USP3: variants seen among roughly 807,000 people sequenced by gnomAD.
USP3 encodes ubiquitin specific peptidase 3, also known as ubiquitin carboxyl-terminal hydrolase 3.
Under a neutral mutation model 72.3 loss-of-function variants are expected in USP3, and 20 were observed. That is an observed-to-expected ratio of 0.28 (90% CI 0.19 to 0.40). The LOEUF (loss-of-function observed/expected upper bound fraction) is 0.40, where lower values mean the gene tolerates loss of function less well. Ranked by LOEUF, USP3 falls within the 10% of genes least tolerant of loss-of-function variation. The pLI is 1.00. For synonymous variants in USP3, 222 were observed against 225.3 expected (o/e 0.99, Z 0.13); for missense variants, 479 against 633.9 (o/e 0.76, Z 2.62).
chr15:63,539,494 A>G (rs2066210106), intron 3 of USP3, among the ~76,000 whole-genome samples: 1 of 152,248 alleles, frequency 6.6e-6, no homozygotes, highest in African/African-American at 2.4e-5. Flanking sequence ...AAGGCCCTTT[A>G]AAAATGTAGA....
rs886298271 is a variant in USP3 at position 63,592,728 on chromosome 15, G to A, written c.*1902G>A. The A allele has an allele frequency of 6.6e-6, 1 of 151,100 alleles. No homozygotes were observed. The highest frequency in any genetic ancestry group is 6.6e-5 in the Admixed American group (1 of 15,168). 9.4% of individuals were successfully genotyped at this position (151,100 alleles called of 1,614,324 possible). A position where few individuals can be genotyped will look rare whatever the true frequency, so the allele number is the denominator to read the frequency against. On this transcript the variant is annotated 3_prime_UTR_variant, in exon 15 of 15. Coordinates refer to ENST00000380324, the MANE Select transcript of USP3 (RefSeq NM_006537.4). ...TAGCATTACAGGCATGAGCCACCAC[G>A]CCCAGCCTGTTCTATTAAAAACATC...
chr15:63,575,999 T>G (rs993076968), intron 11 of USP3, among the ~76,000 whole-genome samples: 2 of 151,128 alleles, frequency 1.3e-5, no homozygotes, highest in Non-Finnish European at 3.0e-5. Flanking sequence ...TTTTTTTTTT[T>G]TTTTTGAGAC....
At chr15:63,517,495 T>C (rs1011949236) in intron 1 of USP3, among the ~76,000 whole-genome samples, 27 of 152,330 alleles carry the variant, frequency 1.8e-4, no homozygotes, top group African/African-American at 6.0e-4. Context: ...TCTTTGTCTT[T>C]TCATATAACA....
chr15:63,566,908 T>C (rs1174296557), intron 8 of USP3, among the ~76,000 whole-genome samples: 1 of 152,228 alleles, frequency 6.6e-6, no homozygotes, highest in African/African-American at 2.4e-5. Context: ...ACTTTAGAAT[T>C]CTTTTTTTAA....
Position 63,591,115 on chromosome 15 carries a change from G to A in USP3, c.*289G>A. 3.6e-6 allele frequency: 1 copy of A among 274,554 alleles called. No homozygotes were observed. The highest frequency in any genetic ancestry group is 2.2e-5 in the African/African-American group (1 of 44,856). 17.0% of individuals were successfully genotyped at this position (274,554 alleles called of 1,614,324 possible). A position where few individuals can be genotyped will look rare whatever the true frequency, so the allele number is the denominator to read the frequency against. ...TTTGACTTTTTTATTTTATGTTAATGTTTTCAGTTCTCACTTTGAGGCACA... is the reference window on the plus strand; with the variant it reads ...TTTGACTTTTTTATTTTATGTTAATATTTTCAGTTCTCACTTTGAGGCACA... On this transcript the variant is annotated 3_prime_UTR_variant, in exon 15 of 15. Transcript: ENST00000380324.
In USP3 at chr15:63,588,749, A is replaced by G. The variant is rs747788479; in HGVS notation, c.1263A>G (p.Arg421=). Residue 421 remains arginine, a synonymous_variant, in exon 13 of 15, where the codon AGA becomes AGG. Coordinates refer to ENST00000380324, the MANE Select transcript of USP3 (RefSeq NM_006537.4). This position sits in a 1 kb window ranked among gnomAD's most constrained non-coding sequence, Gnocchi z 4.6. The part of the protein sequence containing the change: ...LKRFHWTAYL[R]NKVDTYVEFP... Reference sequence around the variant, plus strand: ...GATTTCATTGGACAGCATATTTAAGAAATAAAGTTGATACATACGTAGAAT... The same window carrying G: ...GATTTCATTGGACAGCATATTTAAGGAATAAAGTTGATACATACGTAGAAT... 3.2e-5 allele frequency: 52 copies of G among 1,614,190 alleles called. No individual in the cohort carries two copies. Among genetic ancestry groups the G allele is most frequent in the Non-Finnish European group, 4.4e-5 (52 of 1,179,996 alleles).
intron 7 of USP3, among the ~76,000 whole-genome samples, chr15:63,560,619 G>C (rs1287739109): frequency 1.3e-5 from 2 of 151,640 alleles, no homozygotes; most frequent in African/African-American, 4.9e-5. Context: ...AACCTGTCTT[G>C]GATACTGAAA....
Position 63,544,631 on chromosome 15 carries a change from G to T in USP3, c.284+7475G>T. On this transcript the variant is annotated intron_variant, in intron 3 of 14. Transcript: ENST00000380324. The surrounding 1 kb of genome is among the most constrained non-coding windows in gnomAD (Gnocchi z 4.2). ...AGCCATGCTGTGTGTTTTCATTTTT[G>T]GAGAATGGGGGAAGAATGTAAAGAT... is the stretch of plus-strand genomic sequence containing the variant. 1 of 694,180 alleles carries T rather than the reference G, an allele frequency of 1.4e-6. No individual in the cohort carries two copies. The highest frequency in any genetic ancestry group is 2.7e-5 in the East Asian group (1 of 37,032). 43.0% of individuals were successfully genotyped at this position (694,180 alleles called of 1,614,324 possible). A position where few individuals can be genotyped will look rare whatever the true frequency, so the allele number is the denominator to read the frequency against.
At chr15:63,557,246 CTTTTA>C (rs1047862411) in intron 5 of USP3, among the ~76,000 whole-genome samples, 12 of 150,670 alleles carry the variant, frequency 8.0e-5, no homozygotes, top group Admixed American at 4.0e-4. Context: ...AATTTTTGTA[CTTTTA>C]TTTTGTTTTT....
In USP3 at chr15:63,531,867, T is replaced by A. The variant is rs77811966; in HGVS notation, c.92-780T>A. Among the ~76,000 whole-genome samples, 256 of 152,294 alleles carry A rather than the reference T, an allele frequency of 1.7e-3. 3 individuals carry two copies. In the East Asian group the frequency reaches 0.022, roughly 13 times the overall value. ...GAAGCTACTTTGCGCAAAATATACA[T>A]GTTCTTTGTACTTCCTTCCCCACGC... On this transcript the variant is annotated intron_variant, in intron 1 of 14. Transcript: ENST00000380324.
At chr15:63,556,842 CT>C in intron 5 of USP3, 94 bp downstream of exon 5, 1 of 894,644 alleles carries the variant, frequency 1.1e-6, no homozygotes, top group Non-Finnish European at 1.7e-6. Flanking sequence ...CTGTTACAGA[CT>C]TTTATAAATG....
In USP3 at chr15:63,512,356, T is replaced by TTCC. The variant is rs1168182434; in HGVS notation, c.91+7528_91+7529insCTC. Among the ~76,000 whole-genome samples the TTCC allele has an allele frequency of 6.9e-3, 299 of 43,360 alleles. 2 individuals carry two copies. Among genetic ancestry groups the TTCC allele is most frequent in the African/African-American group, 0.02 (274 of 13,842 alleles). The allele number at this position is 43,360 out of a possible 152,430, so 28.4% of individuals were successfully genotyped here. ...CTTCCTCCTCTTCCTCCTCTTCCTC[T>TTCC]TCTTCTTCTTTCTTCTTTCTTCTTT... On this transcript the variant is annotated intron_variant, in intron 1 of 14. Transcript: ENST00000380324.
intron 11 of USP3, among the ~76,000 whole-genome samples, chr15:63,580,652 G>T (rs56888677): frequency 2.8e-4 from 3 of 10,646 alleles, no homozygotes; most frequent in Non-Finnish European, 1.1e-3. Context: ...ATATATATAT[G>T]AATATATAAT....
chr15:63,507,369 G>C (rs138939476), intron 1 of USP3, among the ~76,000 whole-genome samples: 156 of 152,270 alleles, frequency 1.0e-3, no homozygotes, highest in African/African-American at 3.7e-3. Flanking sequence ...TTTTCTTTGA[G>C]TATCAGTTTC....
intron 1 of USP3, among the ~76,000 whole-genome samples, chr15:63,527,672 C>G (rs375534061): frequency 6.6e-6 from 1 of 152,150 alleles, no homozygotes; most frequent in Admixed American, 6.5e-5. Context: ...TTTAAGAACT[C>G]CTTTTCTTGT....
chr15:63,508,088 C>T (rs1258382830), intron 1 of USP3, among the ~76,000 whole-genome samples: 5 of 152,224 alleles, frequency 3.3e-5, no homozygotes, highest in South Asian at 2.1e-4. Context: ...AGGAACACCC[C>T]ACTGCATGCT....
chr15:63,560,045 C>CT (rs1273770402), intron 7 of USP3, 75 bp downstream of exon 7: 1 of 1,240,112 alleles, frequency 8.1e-7, no homozygotes, highest in African/African-American at 1.5e-5. Context: ...TTCCATTGTA[C>CT]TAAGTGAGCT....
rs2066032184 is a variant in USP3, at chr15:63,529,268, C to G, written c.92-3379C>G. ...TGATTTTGGAAGTCAGTACTTTATT[C>G]CCTTTTACTTTCTCTCCTTATCATT... On this transcript the variant is annotated intron_variant, in intron 1 of 14. Transcript: ENST00000380324. This position sits in a 1 kb window ranked among gnomAD's most constrained non-coding sequence, Gnocchi z 4.2. The G allele has an allele frequency of 7.8e-6, 3 of 383,292 alleles. No individual in the cohort carries two copies. Among genetic ancestry groups the G allele is most frequent in the South Asian group, 6.1e-5 (3 of 49,410 alleles). 23.7% of individuals were successfully genotyped at this position (383,292 alleles called of 1,614,324 possible).
At chr15:63,579,649 G>A (rs2066920078) in intron 11 of USP3, among the ~76,000 whole-genome samples, 1 of 152,120 alleles carries the variant, frequency 6.6e-6, no homozygotes, top group South Asian at 2.1e-4. Context: ...ATAGGGGAGA[G>A]CTTTCTAAGC....
Sources: gnomAD v4.1 joint callset for allele counts (sites outside exome capture counted in the v4.1 genomes callset) on GRCh38, gnomAD v4.1.1 for gene constraint, Gnocchi (gnomAD v3.1) non-coding constraint, MANE v1.5 for transcripts, NCBI Gene and HGNC (gene_info 2026-07-23, HGNC 2026-07-21) for gene names.